The following VPS37A variants were observed in gnomAD, a reference collection of about 807,000 sequenced individuals.
The protein encoded by VPS37A is VPS37A subunit of ESCRT-I.
A neutral mutation model predicts 49.8 loss-of-function variants in VPS37A; 30 were observed. The ratio of observed to expected loss-of-function variants is 0.60; its 90% CI spans 0.45 to 0.82. The LOEUF (loss-of-function observed/expected upper bound fraction) is 0.82, where lower values mean the gene tolerates loss of function less well. VPS37A is among the 40% of genes least tolerant of loss of function. The probability of loss-of-function intolerance (pLI) is 0.00; values close to 1 mark genes in which losing one functional copy is unlikely to be tolerated. For synonymous variants in VPS37A, 195 were observed against 160.6 expected, an observed-to-expected ratio of 1.21 and a Z score of -1.62; for missense variants, 593 against 464.4, an observed-to-expected ratio of 1.28 and a Z score of -2.55.
chr8:17,250,712 T>C (rs905638531), intron 1 of VPS37A, among the ~76,000 whole-genome samples: 1 of 152,194 alleles, frequency 6.6e-6, no homozygotes, highest in Admixed American at 6.5e-5. Context: ...TCTCTAATGA[T>C]TGTGAACTTT....
chr8:17,259,732 T>A (rs1322672316), intron 1 of VPS37A, among the ~76,000 whole-genome samples: 5 of 152,130 alleles, frequency 3.3e-5, no homozygotes, highest in Admixed American at 3.3e-4. Flanking sequence ...TAATGTTTGC[T>A]GTATGTACTT....
chr8:17,319,510 T>C, the VPS37A span, among the ~76,000 whole-genome samples: 1 of 152,158 alleles, frequency 6.6e-6, no homozygotes, highest in African/African-American at 2.4e-5. Flanking sequence ...GAGACAAACC[T>C]CGAGTTTTTG....
the VPS37A span, among the ~76,000 whole-genome samples, chr8:17,316,044 G>A: frequency 6.6e-6 from 1 of 152,068 alleles, no homozygotes; most frequent in Admixed American, 6.6e-5. Flanking sequence ...ATAAAGTCTC[G>A]TGTTTTCGTG....
At chr8:17,303,629 G>A (rs1002118066), downstream of VPS37A, among the ~76,000 whole-genome samples, 2 of 139,272 alleles carry the variant, frequency 1.4e-5, no homozygotes, top group African/African-American at 5.5e-5. Flanking sequence ...TTTTTTTTGA[G>A]ATGGAGTTTT....
intron 2 of VPS37A, among the ~76,000 whole-genome samples, chr8:17,267,319 C>T (rs1341103727): frequency 6.6e-6 from 1 of 152,114 alleles, no homozygotes. Flanking sequence ...TCTGAACCAT[C>T]AGGGGAACAA....
chr8:17,278,393 A>T (rs1004394197), intron 6 of VPS37A, among the ~76,000 whole-genome samples: 6 of 152,144 alleles, frequency 3.9e-5, no homozygotes, highest in Admixed American at 2.0e-4. Context: ...TCAACTACAT[A>T]TTTAGTTATA....
intron 9 of VPS37A, 32 bp from the exon 10 acceptor site, chr8:17,284,441 A>T (rs760811179): frequency 4.5e-6 from 7 of 1,544,718 alleles, no homozygotes; most frequent in Non-Finnish European, 6.1e-6. Flanking sequence ...TGAGTATCAT[A>T]AATTAAAGTA....
intron 3 of VPS37A, 140 bp downstream of exon 3, chr8:17,268,512 C>T (rs1054095974): frequency 1.8e-5 from 11 of 626,470 alleles, no homozygotes; most frequent in South Asian, 1.2e-4. Flanking sequence ...TTTAAGACTA[C>T]GCCTTAAAGT....
intron 2 of VPS37A, among the ~76,000 whole-genome samples, chr8:17,266,559 G>A (rs1813475365): frequency 1.3e-5 from 2 of 152,210 alleles, no homozygotes; most frequent in South Asian, 4.1e-4. Flanking sequence ...AAAAGGCTGT[G>A]ATTACCTGAG....
chr8:17,324,657 T>C, the VPS37A span, among the ~76,000 whole-genome samples: 4 of 152,228 alleles, frequency 2.6e-5, no homozygotes, highest in Non-Finnish European at 5.9e-5. Flanking sequence ...CAGTGAAGCC[T>C]AACAGGCTGC....
At chr8:17,291,308 C>G (rs1816127773) in intron 11 of VPS37A, among the ~76,000 whole-genome samples, 1 of 152,124 alleles carries the variant, frequency 6.6e-6, no homozygotes, top group African/African-American at 2.4e-5. Flanking sequence ...CCACCATGCC[C>G]ATACGATCTC....
chr8:17,266,543 A>C (rs1813473342), intron 2 of VPS37A, among the ~76,000 whole-genome samples: 1 of 152,224 alleles, frequency 6.6e-6, no homozygotes, highest in Admixed American at 6.5e-5. Flanking sequence ...ATGAGGCTGT[A>C]GTGTGAAAAG....
At chr8:17,306,004 A>C, downstream of VPS37A, 2 of 1,498,884 alleles carry the variant, frequency 1.3e-6, no homozygotes, top group Non-Finnish European at 1.8e-6. Flanking sequence ...TTTATTTTTA[A>C]AGTACAAAGC....
At chr8:17,277,663 CCAT>C (rs943365502) in intron 6 of VPS37A, among the ~76,000 whole-genome samples, 13 of 151,934 alleles carry the variant, frequency 8.6e-5, no homozygotes, top group Admixed American at 5.3e-4. Context: ...ACCCCAGTCA[CCAT>C]CATCATCATA....
Position 17,286,365 on chromosome 8 carries a change from G to A in VPS37A, c.1132G>A (p.Ala378Thr). 6.2e-7 allele frequency: 1 copy of A among 1,613,776 alleles called. No individual in the cohort carries two copies. The highest frequency in any genetic ancestry group is 8.5e-7 in the Non-Finnish European group (1 of 1,179,838). The change falls in exon 11 of 12, where the codon GCC becomes ACC. Residue 378 changes from alanine to threonine, a missense_variant. By Grantham distance (58) the Ala-to-Thr change is moderately conservative. Transcript: ENST00000324849. ...TTTCTAGATTTGCCACTGTAGAAGA[G>A]CCAAGGAAGAGAAACTTCAGCAGGC... is the stretch of plus-strand genomic sequence containing the variant. ...EKRTICHCRRAKEEKLQQAIA... is the reference protein window; with the variant it reads ...EKRTICHCRRTKEEKLQQAIA...
chr8:17,259,596 A>G (rs1446518762), intron 1 of VPS37A, among the ~76,000 whole-genome samples: 1 of 152,120 alleles, frequency 6.6e-6, no homozygotes, highest in Non-Finnish European at 1.5e-5. Context: ...TATTAGGTCC[A>G]AAGTGAAGTT....
At chr8:17,308,500 A>T in the VPS37A span, among the ~76,000 whole-genome samples, 2 of 152,254 alleles carry the variant, frequency 1.3e-5, no homozygotes, top group Non-Finnish European at 2.9e-5. Flanking sequence ...ATACTTGAGC[A>T]GTTGCATGCA....
At chr8:17,255,319 A>G (rs569600209) in intron 1 of VPS37A, among the ~76,000 whole-genome samples, 1 of 152,256 alleles carries the variant, frequency 6.6e-6, no homozygotes, top group East Asian at 1.9e-4. Flanking sequence ...TGTCTCTACT[A>G]AAAATATAAA....
intron 4 of VPS37A, 46 bp downstream of exon 4, chr8:17,269,002 G>C (rs929983589): frequency 2.3e-6 from 3 of 1,311,668 alleles, no homozygotes; most frequent in Non-Finnish European, 2.1e-6. Flanking sequence ...GTATTTTAAT[G>C]TATTAATCAA....
Sources: gnomAD v4.1 joint callset for allele counts (sites outside exome capture counted in the v4.1 genomes callset) on GRCh38, gnomAD v4.1.1 for gene constraint, MANE v1.5 for transcripts, NCBI Gene and HGNC (gene_info 2026-07-23, HGNC 2026-07-21) for gene names.